Variants in COMMD7 observed in about 807,000 individuals in gnomAD.
The protein encoded by COMMD7 is COMM domain-containing protein 7.
A neutral mutation model predicts 34.8 loss-of-function variants in COMMD7; 28 were observed. The observed-to-expected ratio is 0.80, with a 90% CI of 0.60 to 1.10. COMMD7 has a LOEUF of 1.10. Among genes scored for constraint, COMMD7 ranks in the 50% least tolerant of loss-of-function variants. The probability of loss-of-function intolerance (pLI) is 0.00; values close to 1 mark genes in which losing one functional copy is unlikely to be tolerated. For synonymous variants in COMMD7, 80 were observed against 86.4 expected, an observed-to-expected ratio of 0.93 and a Z score of 0.41; for missense variants, 211 against 241.6, an observed-to-expected ratio of 0.87 and a Z score of 0.84.
At chr20:32,728,201 C>A in intron 1 of COMMD7, 59 bp from the exon 2 acceptor site, 1 of 1,525,598 alleles carries the variant, frequency 6.6e-7, no homozygotes. Context: ...CAGCATGCCC[C>A]ACCCCAGGCA....
intron 3 of COMMD7, among the ~76,000 whole-genome samples, chr20:32,719,519 G>A (rs73613797): frequency 2.6e-5 from 4 of 151,960 alleles, no homozygotes; most frequent in African/African-American, 7.2e-5. Context: ...GCATGGTGGC[G>A]GGTGCCTGTA....
intron 1 of COMMD7, among the ~76,000 whole-genome samples, chr20:32,737,800 T>A (rs985564862): frequency 6.6e-6 from 1 of 150,544 alleles, no homozygotes; most frequent in Admixed American, 6.6e-5. Context: ...ATTGTAACAC[T>A]GCTCTCCAGC....
intron 3 of COMMD7, among the ~76,000 whole-genome samples, chr20:32,707,289 A>AT (rs1343480607): frequency 0.18 from 21,223 of 120,936 alleles, 2,368 homozygotes; most frequent in Non-Finnish European, 0.28. Flanking sequence ...GTCTCAAAAA[A>AT]AAAAAATATA....
chr20:32,704,338 T>G, intron 7 of COMMD7, 102 bp downstream of exon 7: 1 of 1,135,484 alleles, frequency 8.8e-7, no homozygotes, highest in South Asian at 1.5e-5. Context: ...TATAAGGTAC[T>G]TCAGTAAAAC....
intron 3 of COMMD7, among the ~76,000 whole-genome samples, chr20:32,722,447 G>A (rs1344250083): frequency 5.9e-5 from 9 of 152,044 alleles, no homozygotes; most frequent in African/African-American, 1.9e-4. Flanking sequence ...CGTTCTGGCC[G>A]GGTGTGATGG....
At chr20:32,714,877 G>A (rs1023306718) in intron 3 of COMMD7, among the ~76,000 whole-genome samples, 5 of 125,596 alleles carry the variant, frequency 4.0e-5, no homozygotes, top group South Asian at 2.5e-4. Flanking sequence ...GGTGTAGTGC[G>A]CATGCCTGTA....
intron 1 of COMMD7, among the ~76,000 whole-genome samples, chr20:32,729,949 G>A (rs1447048797): frequency 6.6e-6 from 1 of 152,076 alleles, no homozygotes; most frequent in Non-Finnish European, 1.5e-5. Flanking sequence ...GGAGGCAGGG[G>A]TTGCAGTGAG....
At chr20:32,729,187 T>C (rs990800575) in intron 1 of COMMD7, among the ~76,000 whole-genome samples, 6 of 148,096 alleles carry the variant, frequency 4.1e-5, no homozygotes, top group Non-Finnish European at 8.9e-5. Context: ...TTTTTTTTTT[T>C]AGATGGAGTC....
chr20:32,743,413 G>C lies in COMMD7; in HGVS notation c.-22C>G. 1 of 1,332,706 alleles carries C rather than the reference G, an allele frequency of 7.5e-7. No homozygotes were observed. Among genetic ancestry groups the C allele is most frequent in the Non-Finnish European group, 9.5e-7 (1 of 1,047,652 alleles). 82.6% of individuals were successfully genotyped at this position (1,332,706 alleles called of 1,614,324 possible). A position where few individuals can be genotyped will look rare whatever the true frequency, so the allele number is the denominator to read the frequency against. ...CCATGGCGCGCGCCCCAGCCCCGCA[G>C]GTTCCACCGCCGCCGCCGCCCTGCT... On this transcript the variant is annotated 5_prime_UTR_variant, in exon 1 of 9. Coordinates refer to ENST00000278980, the MANE Select transcript of COMMD7 (RefSeq NM_053041.3).
At position 32,703,261 on chromosome 20, in the gene COMMD7, T is replaced by A. The variant is rs868466873; in HGVS notation, c.*121A>T. The A allele has an allele frequency of 1.2e-6, 1 of 835,900 alleles. No homozygotes were observed. Among genetic ancestry groups the A allele is most frequent in the Middle Eastern group, 3.5e-4 (1 of 2,890 alleles). 51.8% of individuals were successfully genotyped at this position (835,900 alleles called of 1,614,324 possible). A position where few individuals can be genotyped will look rare whatever the true frequency, so the allele number is the denominator to read the frequency against. ...AGAAACCCTTTGCACCTGGGCCCCA[T>A]GGAGCCAGCAGGGCCCCATGGAGCA... is the stretch of plus-strand genomic sequence containing the variant. On this transcript the variant is annotated 3_prime_UTR_variant, in exon 9 of 9. Transcript: ENST00000278980.
chr20:32,729,561 G>T (rs1260534875), intron 1 of COMMD7, among the ~76,000 whole-genome samples: 1 of 150,808 alleles, frequency 6.6e-6, no homozygotes, highest in Non-Finnish European at 1.5e-5. Context: ...TGGGAGGATT[G>T]CTTGAGGCTG....
intron 1 of COMMD7, among the ~76,000 whole-genome samples, chr20:32,729,683 T>C (rs1985724416): frequency 6.6e-6 from 1 of 151,342 alleles, no homozygotes; most frequent in Non-Finnish European, 1.5e-5. Context: ...GCACTTGATC[T>C]TGTACTTCCG....
In COMMD7 at chr20:32,704,472, C is replaced by A; in HGVS notation, c.445G>T (p.Glu149Ter). The A allele has an allele frequency of 6.2e-7, 1 of 1,605,838 alleles. No individual in the cohort carries two copies. The highest frequency in any genetic ancestry group is 1.1e-5 in the South Asian group (1 of 90,046). ...WKFGVTSGSS[E>*]LEKVGSIFLQ... ...AATATACTTCCCACTTTCTCCAATT[C>A]GCTGCTCCCAGATGTCACTGTGACA... The change falls in exon 7 of 9, where the codon GAA (glutamate) becomes TAA (stop). Residue 149 changes from glutamate to a stop codon, truncating the protein, a stop_gained. Transcript: ENST00000278980. LOFTEE classifies it high-confidence loss of function.
At chr20:32,708,828 T>C (rs1439320388) in intron 3 of COMMD7, among the ~76,000 whole-genome samples, 1 of 151,986 alleles carries the variant, frequency 6.6e-6, no homozygotes, top group Non-Finnish European at 1.5e-5. Flanking sequence ...TGTGCCATGA[T>C]GCCCAGCTAA....
chr20:32,712,753 T>C (rs1272129121), intron 3 of COMMD7, among the ~76,000 whole-genome samples: 1 of 23,936 alleles, frequency 4.2e-5, no homozygotes, highest in Admixed American at 2.3e-4. Flanking sequence ...ACGGAGACTT[T>C]TTTTTTTTTT....
intron 3 of COMMD7, among the ~76,000 whole-genome samples, chr20:32,709,560 G>A (rs778571675): frequency 2.6e-5 from 4 of 152,104 alleles, no homozygotes; most frequent in Admixed American, 6.6e-5. Context: ...AAAAACAAAC[G>A]ATGACAAAAA....
intron 3 of COMMD7, among the ~76,000 whole-genome samples, chr20:32,714,061 C>T (rs1984626899): frequency 6.6e-6 from 1 of 151,960 alleles, no homozygotes; most frequent in African/African-American, 2.4e-5. Flanking sequence ...TGCAGTGAGC[C>T]GAGATCGTGC....
intron 3 of COMMD7, among the ~76,000 whole-genome samples, chr20:32,707,294 A>C (rs147602558): frequency 7.7e-6 from 1 of 129,188 alleles, no homozygotes; most frequent in Non-Finnish European, 1.6e-5. Context: ...AAAAAAAAAA[A>C]ATATATATAT....
chr20:32,715,660 A>T (rs1600977850), intron 3 of COMMD7, among the ~76,000 whole-genome samples: 1 of 151,630 alleles, frequency 6.6e-6, no homozygotes, highest in East Asian at 1.9e-4. Flanking sequence ...TACAAAAATC[A>T]GCCAGGAGTG....
Sources: gnomAD v4.1 joint callset for allele counts (sites outside exome capture counted in the v4.1 genomes callset) on GRCh38, gnomAD v4.1.1 for gene constraint, MANE v1.5 for transcripts, NCBI Gene and HGNC (gene_info 2026-07-23, HGNC 2026-07-21) for gene names.